Variants in ACVR2B observed in about 807,000 individuals in gnomAD.
ACVR2B encodes the protein activin A receptor type 2B.
ACVR2B carries 18 observed loss-of-function variants against 65.1 expected under a neutral mutation model. The ratio of observed to expected loss-of-function variants is 0.28; its 90% CI spans 0.19 to 0.41. The LOEUF (loss-of-function observed/expected upper bound fraction) is 0.41, where lower values mean the gene tolerates loss of function less well. ACVR2B is among the 10% of genes least tolerant of loss of function. ACVR2B has a pLI of 1.00. For missense variants in ACVR2B, 482 were observed against 682.7 expected (o/e 0.71, Z 3.28); for synonymous variants, 298 against 277.7 (o/e 1.07, Z -0.73).
Position 38,489,729 on chromosome 3 carries a change from G to A in ACVR2B, c.*6397G>A, listed in dbSNP as rs965127900. The A allele has an allele frequency of 5.2e-5, 8 of 152,592 alleles. No individual in the cohort carries two copies. The highest frequency in any genetic ancestry group is 1.9e-4 in the African/African-American group (8 of 41,452). The allele number at this position is 152,592 out of a possible 1,614,324, so 9.5% of individuals were successfully genotyped here. A position where few individuals can be genotyped will look rare whatever the true frequency, so the allele number is the denominator to read the frequency against. On this transcript the variant is annotated 3_prime_UTR_variant, in exon 11 of 11. Coordinates refer to ENST00000352511, the MANE Select transcript of ACVR2B (RefSeq NM_001106.4). ...ATTGTATAGGGGTGCCTATTGGGGT[G>A]GGATGGGACTCGAATAAGATTCAGG...
At chr3:38,468,962 A>G (rs1197318999) in intron 1 of ACVR2B, among the ~76,000 whole-genome samples, 1 of 152,146 alleles carries the variant, frequency 6.6e-6, no homozygotes, top group Non-Finnish European at 1.5e-5. Context: ...AAAGGCATGT[A>G]TTTCAGAGCT....
intron 1 of ACVR2B, among the ~76,000 whole-genome samples, chr3:38,472,496 G>A (rs192299669): frequency 6.6e-6 from 1 of 152,092 alleles, no homozygotes; most frequent in Non-Finnish European, 1.5e-5. Context: ...CAGTGTGCTG[G>A]CAGAAGCAGA....
Position 38,462,022 on chromosome 3 carries a change from G to A in ACVR2B, c.52+7648G>A, listed in dbSNP as rs551595161. ...AGCCTGACCAACATGGAGAAACCCC[G>A]TCTCTACTAAAAATACAAAAAATTA... is the stretch of plus-strand genomic sequence containing the variant. On this transcript the variant is annotated intron_variant, in intron 1 of 10. Transcript: ENST00000352511. Among the ~76,000 whole-genome samples the A allele has an allele frequency of 7.0e-3, 1,062 of 151,948 alleles. 10 individuals are homozygous for A. The highest frequency in any genetic ancestry group is 9.5e-3 in the Non-Finnish European group (646 of 67,966).
At chr3:38,482,677 C>T in intron 10 of ACVR2B, 117 bp downstream of exon 10, 1 of 1,444,654 alleles carries the variant, frequency 6.9e-7, no homozygotes, top group South Asian at 1.3e-5. Flanking sequence ...GCGACGTTCC[C>T]TGGACTCTAG....
At chr3:38,475,759 C>A (rs1200089913) in intron 1 of ACVR2B, 1 of 152,488 alleles carries the variant, frequency 6.6e-6, no homozygotes, top group Non-Finnish European at 1.5e-5. Context: ...TTTGCCCTCC[C>A]CCAGGGTCAG....
At position 38,485,689 on chromosome 3, in the gene ACVR2B, T is replaced by A. The variant is rs1284588097; in HGVS notation, c.*2357T>A. On this transcript the variant is annotated 3_prime_UTR_variant, in exon 11 of 11. Transcript: ENST00000352511. ...GTCTTTTTTTTTTTTTTTTTTTTTT[T>A]TTTTAATGGTTTGATTTTGTGCTGT... 1 of 149,610 alleles carries A rather than the reference T, an allele frequency of 6.7e-6. No individual in the cohort carries two copies. The highest frequency in any genetic ancestry group is 1.5e-5 in the Non-Finnish European group (1 of 67,318). 9.3% of individuals were successfully genotyped at this position (149,610 alleles called of 1,614,324 possible).
In ACVR2B at chr3:38,477,719, T is replaced by G; in HGVS notation, c.261-142T>G. 9.4e-7 allele frequency: 1 copy of G among 1,063,202 alleles called. No homozygotes were observed. Among genetic ancestry groups the G allele is most frequent in the South Asian group, 1.3e-5 (1 of 79,020 alleles). 65.9% of individuals were successfully genotyped at this position (1,063,202 alleles called of 1,614,324 possible). On this transcript the variant is annotated intron_variant, in intron 2 of 10. Coordinates refer to ENST00000352511, the MANE Select transcript of ACVR2B (RefSeq NM_001106.4). This position sits in a 1 kb window ranked among gnomAD's most constrained non-coding sequence, Gnocchi z 6.7. ...GGCTGTTCTTCCTTGGCTTTGGGTC[T>G]CCTGTAGGGGAGGTGAGTTCACACC...
rs1209096025 is a variant in ACVR2B, at chr3:38,479,219, G to A, written c.758G>A (p.Arg253Gln). 3 of 1,614,032 alleles carry A rather than the reference G, an allele frequency of 1.9e-6. No homozygotes were observed. The highest frequency in any genetic ancestry group is 1.1e-5 in the South Asian group (1 of 91,086). Residue 253 changes from arginine (R) to glutamine (Q), a missense_variant, in exon 6 of 11, where the codon CGA (arginine) becomes CAA (glutamine). Arg to Gln is a conservative substitution (Grantham distance 43, BLOSUM62 1). This residue lies in a region of ACVR2B where 223 missense variants were observed against 386.3 expected (regional missense o/e 0.58). Transcript: ENST00000352511. ...NLLQFIAAEKRGSNLEVELWL... is the reference protein window; with the variant it reads ...NLLQFIAAEKQGSNLEVELWL... ...CTACAGTTCATTGCTGCCGAGAAGC[G>A]AGGCTCCAACCTCGAAGTAGAGCTG...
rs1710139425 is a variant in ACVR2B, at chr3:38,487,269, T to G, written c.*3937T>G. 1 of 152,242 alleles carries G rather than the reference T, an allele frequency of 6.6e-6. No individual in the cohort carries two copies. Among genetic ancestry groups the G allele is most frequent in the Non-Finnish European group, 1.5e-5 (1 of 68,052 alleles). The allele number at this position is 152,242 out of a possible 1,614,324, so 9.4% of individuals were successfully genotyped here. On this transcript the variant is annotated 3_prime_UTR_variant, in exon 11 of 11. Coordinates refer to ENST00000352511, the MANE Select transcript of ACVR2B (RefSeq NM_001106.4). ...GAAAAAGGAGGTTGTTTTTCAGCCT[T>G]GAACATCTTCAGGAGGATAGAGACT... is the stretch of plus-strand genomic sequence containing the variant.
rs766021761 is a variant in ACVR2B at position 38,478,502 on chromosome 3, A to G, written c.650A>G (p.Lys217Arg). 3.1e-6 allele frequency: 5 copies of G among 1,614,038 alleles called. No individual in the cohort carries two copies. The highest frequency in any genetic ancestry group is 1.1e-5 in the South Asian group (1 of 91,082). ...CTCATGAATGACTTTGTAGCTGTCA[A>G]GATCTTCCCACTCCAGGTGAGTGTT... ...AQLMNDFVAVKIFPLQDKQSW... is the reference protein window; with the variant it reads ...AQLMNDFVAVRIFPLQDKQSW... Residue 217 changes from lysine to arginine, a missense_variant, in exon 5 of 11, where the codon AAG (lysine) becomes AGG (arginine). Around this residue, in one of 5 missense-constraint regions of ACVR2B, gnomAD observed 223 missense variants for 386.3 expected, o/e 0.58. Coordinates refer to ENST00000352511, the MANE Select transcript of ACVR2B (RefSeq NM_001106.4).
Position 38,492,730 on chromosome 3 carries a change from TTA to T in ACVR2B, c.*9399_*9400del, listed in dbSNP as rs1491202149. 16 of 109,274 alleles carry T rather than the reference TTA, an allele frequency of 1.5e-4. No individual in the cohort carries two copies. The highest frequency in any genetic ancestry group is 7.5e-4 in the East Asian group (3 of 4,000). 6.8% of individuals were successfully genotyped at this position (109,274 alleles called of 1,614,324 possible). On this transcript the variant is annotated 3_prime_UTR_variant, in exon 11 of 11. Coordinates refer to ENST00000352511, the MANE Select transcript of ACVR2B (RefSeq NM_001106.4). Reference sequence around the variant, plus strand: ...AAGTGTGCTGATTTATATATATATATTACACACACACACACACACACACACAC... The same window carrying T: ...AAGTGTGCTGATTTATATATATATATCACACACACACACACACACACACAC...
chr3:38,484,848 G>T lies in ACVR2B; in HGVS notation c.*1516G>T, dbSNP rs900606110. On this transcript the variant is annotated 3_prime_UTR_variant, in exon 11 of 11. Coordinates refer to ENST00000352511, the MANE Select transcript of ACVR2B (RefSeq NM_001106.4). Reference sequence around the variant, plus strand: ...TATATTTTGTTAGTTGTGTTGTCTTGTAGTAAGTATATTTTAATGTAAGTT... The same window carrying T: ...TATATTTTGTTAGTTGTGTTGTCTTTTAGTAAGTATATTTTAATGTAAGTT... 2 of 152,612 alleles carry T rather than the reference G, an allele frequency of 1.3e-5. No individual in the cohort carries two copies. The highest frequency in any genetic ancestry group is 2.9e-5 in the Non-Finnish European group (2 of 68,034). The allele number at this position is 152,612 out of a possible 1,614,324, so 9.5% of individuals were successfully genotyped here. A position where few individuals can be genotyped will look rare whatever the true frequency, so the allele number is the denominator to read the frequency against.
At chr3:38,455,047 TC>T (rs1559643383) in intron 1 of ACVR2B, among the ~76,000 whole-genome samples, 2 of 152,034 alleles carry the variant, frequency 1.3e-5, no homozygotes, top group Non-Finnish European at 2.9e-5. Context: ...AGGTCCCTCT[TC>T]CTTCGGGCCT....
chr3:38,463,874 G>A (rs904257687), intron 1 of ACVR2B, among the ~76,000 whole-genome samples: 5 of 152,124 alleles, frequency 3.3e-5, no homozygotes, highest in African/African-American at 1.2e-4. Flanking sequence ...GTCAGGATTC[G>A]TTTCCAGTGA....
chr3:38,454,462 C>T (rs929617558), intron 1 of ACVR2B, 88 bp downstream of exon 1: 2 of 1,127,348 alleles, frequency 1.8e-6, no homozygotes, highest in Non-Finnish European at 2.2e-6. Flanking sequence ...AAAGGGCGGG[C>T]CCGGGGCCTC....
chr3:38,482,415 C>T lies in ACVR2B; in HGVS notation c.1214-15C>T. On this transcript the variant is annotated splice_polypyrimidine_tract_variant and intron_variant, in intron 9 of 10. Coordinates refer to ENST00000352511, the MANE Select transcript of ACVR2B (RefSeq NM_001106.4). ...GACCTTAGAGTGATCCTGCCAGGCTCTCTCTTTCTCCTAGGACCCGTGGAT... is the reference window on the plus strand; with the variant it reads ...GACCTTAGAGTGATCCTGCCAGGCTTTCTCTTTCTCCTAGGACCCGTGGAT... 6.2e-7 allele frequency: 1 copy of T among 1,611,710 alleles called. No individual in the cohort carries two copies. The highest frequency in any genetic ancestry group is 1.7e-4 in the Middle Eastern group (1 of 6,054).
At chr3:38,459,709 C>T (rs1709609554) in intron 1 of ACVR2B, 2 of 978,366 alleles carry the variant, frequency 2.0e-6, no homozygotes, top group East Asian at 1.1e-4. Context: ...CAAGTCTCTC[C>T]CTCAGGGTGT....
intron 1 of ACVR2B, among the ~76,000 whole-genome samples, chr3:38,460,502 A>G (rs1332157200): frequency 1.3e-5 from 2 of 152,236 alleles, no homozygotes; most frequent in African/African-American, 4.8e-5. Context: ...TTCCCGGCCC[A>G]GGACCAATAA....
Position 38,485,866 on chromosome 3 carries a change from G to T in ACVR2B, c.*2534G>T, listed in dbSNP as rs1710111851. ...TTAGCTTTCGCCTCAGGCAGTGCAGGCATCTTTACTTTTCATCCTCAGAAG... is the reference window on the plus strand; with the variant it reads ...TTAGCTTTCGCCTCAGGCAGTGCAGTCATCTTTACTTTTCATCCTCAGAAG... On this transcript the variant is annotated 3_prime_UTR_variant, in exon 11 of 11. Transcript: ENST00000352511. 6.6e-6 allele frequency: 1 copy of T among 152,498 alleles called. No homozygotes were observed. Among genetic ancestry groups the T allele is most frequent in the African/African-American group, 2.4e-5 (1 of 41,478 alleles). 9.4% of individuals were successfully genotyped at this position (152,498 alleles called of 1,614,324 possible).
Sources: allele counts gnomAD v4.1 joint callset (sites outside exome capture counted in the v4.1 genomes callset), GRCh38; gene constraint gnomAD v4.1.1; regional missense constraint gnomAD v4.1.1; non-coding constraint Gnocchi (gnomAD v3.1); transcripts MANE v1.5; gene names NCBI Gene and HGNC (gene_info 2026-07-23, HGNC 2026-07-21).